Variants in CACNA2D3 observed in about 807,000 individuals in gnomAD.
CACNA2D3 encodes the protein voltage-dependent calcium channel subunit alpha-2/delta-3.
In CACNA2D3, 60 loss-of-function variants were observed where a neutral mutation model predicts 160.6. That is an observed-to-expected ratio of 0.37 (90% CI 0.30 to 0.46). The LOEUF (loss-of-function observed/expected upper bound fraction) is 0.46. CACNA2D3 is among the 20% of genes least tolerant of loss of function. CACNA2D3 has a pLI of 1.00. For missense variants in CACNA2D3, 1,205 were observed against 1,365.0 expected, an observed-to-expected ratio of 0.88 and a Z score of 1.85; for synonymous variants, 558 against 492.9, an observed-to-expected ratio of 1.13 and a Z score of -1.75.
intron 11 of CACNA2D3, among the ~76,000 whole-genome samples, chr3:54,710,840 A>G (rs1254091511): frequency 1.3e-5 from 2 of 152,232 alleles, no homozygotes; most frequent in African/African-American, 4.8e-5. Flanking sequence ...TAGATTTGCT[A>G]CCAGTTAGGA....
At chr3:54,591,974 T>C (rs1276294398) in intron 9 of CACNA2D3, among the ~76,000 whole-genome samples, 1 of 152,164 alleles carries the variant, frequency 6.6e-6, no homozygotes, top group Admixed American at 6.5e-5. Context: ...CCCAAGATTC[T>C]TTCCTGCCCG....
At chr3:54,680,958 C>T (rs144534472) in intron 11 of CACNA2D3, among the ~76,000 whole-genome samples, 4 of 152,184 alleles carry the variant, frequency 2.6e-5, no homozygotes, top group African/African-American at 4.8e-5. Flanking sequence ...GAGGTAGACA[C>T]CTTTCTTAAG....
At chr3:54,695,041 G>C (rs561285698) in intron 11 of CACNA2D3, among the ~76,000 whole-genome samples, 2 of 151,882 alleles carry the variant, frequency 1.3e-5, no homozygotes, top group Non-Finnish European at 2.9e-5. Flanking sequence ...TTTTGAGATG[G>C]AGTTTTGCTC....
chr3:54,545,870 G>A (rs1702055768), intron 5 of CACNA2D3, among the ~76,000 whole-genome samples: 1 of 152,150 alleles, frequency 6.6e-6, no homozygotes, highest in Non-Finnish European at 1.5e-5. Context: ...CTGGCACCTT[G>A]AATTTCGTTC....
chr3:54,297,558 T>A (rs1703369178), intron 2 of CACNA2D3, among the ~76,000 whole-genome samples: 1 of 152,120 alleles, frequency 6.6e-6, no homozygotes, highest in Non-Finnish European at 1.5e-5. Flanking sequence ...ACTTCTGAGC[T>A]CCCTGAGATC....
intron 4 of CACNA2D3, among the ~76,000 whole-genome samples, chr3:54,465,757 CAT>C (rs1200577366): frequency 6.6e-6 from 1 of 152,206 alleles, no homozygotes; most frequent in East Asian, 1.9e-4. Context: ...TCTATTGTTG[CAT>C]AACTCGTTAA....
intron 2 of CACNA2D3, among the ~76,000 whole-genome samples, chr3:54,298,567 A>G (rs59461034): frequency 0.23 from 35,395 of 152,078 alleles, 4,357 homozygotes; most frequent in South Asian, 0.34. Flanking sequence ...GGGAGGCCGA[A>G]GTGGGTGGAT....
chr3:54,700,589 T>A (rs1700750283), intron 11 of CACNA2D3, among the ~76,000 whole-genome samples: 1 of 152,238 alleles, frequency 6.6e-6, no homozygotes, highest in Admixed American at 6.5e-5. Context: ...ACAGTCAAGA[T>A]GCCAAGTTTT....
At chr3:54,349,354 A>G (rs1451803717) in intron 3 of CACNA2D3, among the ~76,000 whole-genome samples, 2 of 152,068 alleles carry the variant, frequency 1.3e-5, no homozygotes, top group African/African-American at 4.8e-5. Flanking sequence ...GCGCTTTCTC[A>G]TTAGGAATTT....
intron 9 of CACNA2D3, among the ~76,000 whole-genome samples, chr3:54,599,692 T>C (rs1703027826): frequency 6.6e-6 from 1 of 152,218 alleles, no homozygotes; most frequent in Non-Finnish European, 1.5e-5. Context: ...AAAGCAGCCT[T>C]GTTTCCTTTT....
intron 35 of CACNA2D3, among the ~76,000 whole-genome samples, chr3:55,033,816 ATT>A (rs1301037696): frequency 7.5e-5 from 8 of 107,116 alleles, no homozygotes; most frequent in Admixed American, 2.3e-4. Context: ...TGTATTATAT[ATT>A]AAATATATTT....
rs536671359 is a variant in CACNA2D3, at chr3:54,942,857, T to C, written c.2450-25593T>C. ...GGCTAACACAGTGAAACCCCATCTC[T>C]ACTAAAAATACAAAAAATTAGCCAG... On this transcript the variant is annotated intron_variant, in intron 27 of 37. Transcript: ENST00000474759. 2.0e-5 allele frequency among the ~76,000 whole-genome samples: 3 copies of C among 152,152 alleles called. No individual in the cohort carries two copies. In the East Asian group the frequency reaches 5.8e-4, roughly 29 times the overall value.
At chr3:55,020,333 A>G (rs1364116870) in intron 35 of CACNA2D3, among the ~76,000 whole-genome samples, 2 of 149,494 alleles carry the variant, frequency 1.3e-5, no homozygotes, top group African/African-American at 2.4e-5. Flanking sequence ...TACATATCGT[A>G]TGTATGTATT....
At chr3:54,592,354 G>A (rs1055089040) in intron 9 of CACNA2D3, among the ~76,000 whole-genome samples, 1 of 152,148 alleles carries the variant, frequency 6.6e-6, no homozygotes, top group African/African-American at 2.4e-5. Context: ...TGAAGAGGGG[G>A]TCTTAAAATT....
chr3:54,536,801 T>A (rs1252254917), intron 5 of CACNA2D3, among the ~76,000 whole-genome samples: 1 of 152,206 alleles, frequency 6.6e-6, no homozygotes, highest in Admixed American at 6.5e-5. Context: ...TCTGATAGAA[T>A]AGCTGAAGCC....
At chr3:55,014,846 A>T (rs990595296) in intron 34 of CACNA2D3, among the ~76,000 whole-genome samples, 1 of 152,240 alleles carries the variant, frequency 6.6e-6, no homozygotes, top group South Asian at 2.1e-4. Flanking sequence ...GGTGTTTTCC[A>T]TAGCACTCTA....
At chr3:54,960,384 A>G (rs576369606) in intron 27 of CACNA2D3, among the ~76,000 whole-genome samples, 2 of 152,314 alleles carry the variant, frequency 1.3e-5, no homozygotes, top group South Asian at 4.1e-4. Context: ...TGAAATATGC[A>G]ATCATTTAGG....
At chr3:54,409,775 G>A (rs770826946) in intron 4 of CACNA2D3, among the ~76,000 whole-genome samples, 2 of 152,164 alleles carry the variant, frequency 1.3e-5, no homozygotes, top group African/African-American at 4.8e-5. Context: ...TTGGAGCAAG[G>A]CCCTTACTCT....
chr3:54,819,951 A>C (rs1229344986), intron 14 of CACNA2D3, among the ~76,000 whole-genome samples: 1 of 152,012 alleles, frequency 6.6e-6, no homozygotes, highest in Admixed American at 6.6e-5. Flanking sequence ...CAAAGCAAAA[A>C]TTTGTCGGGA....
Sources: gnomAD v4.1 joint callset for allele counts (sites outside exome capture counted in the v4.1 genomes callset) on GRCh38, gnomAD v4.1.1 for gene constraint, MANE v1.5 for transcripts, NCBI Gene and HGNC (gene_info 2026-07-23, HGNC 2026-07-21) for gene names.